PLIN2: variants seen among roughly 807,000 people sequenced by gnomAD.
PLIN2 encodes the protein perilipin-2.
In PLIN2, 33 loss-of-function variants were observed where a neutral mutation model predicts 30.6. The ratio of observed to expected loss-of-function variants is 1.08; its 90% CI spans 0.82 to 1.44. The LOEUF (loss-of-function observed/expected upper bound fraction) is 1.44, where lower values mean the gene tolerates loss of function less well. Ranked by LOEUF, PLIN2 falls within the 40% of genes most tolerant of loss-of-function variation. The pLI is 0.00. For missense variants in PLIN2, 610 were observed against 531.8 expected, an observed-to-expected ratio of 1.15 and a Z score of -1.45; for synonymous variants, 205 against 201.1, an observed-to-expected ratio of 1.02 and a Z score of -0.16.
At chr9:19,125,865 G>C (rs139888794) in intron 3 of PLIN2, 84 of 347,372 alleles carry the variant, frequency 2.4e-4, no homozygotes, top group African/African-American at 1.5e-3. Flanking sequence ...AGAGGTTGCA[G>C]TGAGCCAAGA....
rs762664565 is a variant in PLIN2 at position 19,119,735 on chromosome 9, G to C, written c.692C>G (p.Ala231Gly). Reference protein sequence around the residue: ...GSLSTKLHSRAYQQALSRVKE... With the variant: ...GSLSTKLHSRGYQQALSRVKE... ...AACCCTGCTGAGAGCCTGCTGGTAGGCACGGGAGTGAAGCTTGGTAGACAG... is the reference window on the plus strand; with the variant it reads ...AACCCTGCTGAGAGCCTGCTGGTAGCCACGGGAGTGAAGCTTGGTAGACAG... The change falls in exon 6 of 8, where the codon GCC becomes GGC. Residue 231 changes from alanine (A) to glycine (G), a missense_variant. Coordinates refer to ENST00000276914, the MANE Select transcript of PLIN2 (RefSeq NM_001122.4). The C allele has an allele frequency of 6.2e-7, 1 of 1,612,274 alleles. No individual in the cohort carries two copies. The highest frequency in any genetic ancestry group is 8.5e-7 in the Non-Finnish European group (1 of 1,178,520).
At chr9:19,123,427 T>C (rs759639288) in intron 4 of PLIN2, 138 bp downstream of exon 4, 11 of 1,554,136 alleles carry the variant, frequency 7.1e-6, no homozygotes, top group African/African-American at 1.4e-5. Context: ...GAAGTGGCCA[T>C]TATTTTTCAA....
In PLIN2 at chr9:19,126,309, T is replaced by C. The variant is rs142216441; in HGVS notation, c.31A>G (p.Ser11Gly). The change falls in exon 3 of 8, where the codon AGT becomes GGT. Residue 11 changes from serine (S) to glycine (G), a missense_variant and splice_region_variant. Transcript: ENST00000276914. MASVAVDPQP[S>G]VVTRVVNLPL... ...AGGTTGACCACCCGAGTCACCACAC[T>C]CTGCAATCAAAGTAGGGAGGGTATG... 21 of 1,613,716 alleles carry C rather than the reference T, an allele frequency of 1.3e-5. No homozygotes were observed. The African/African-American group carries it at 2.8e-4, about 22-fold the overall frequency.
At chr9:19,121,951 C>CA (rs1399675529) in intron 4 of PLIN2, among the ~76,000 whole-genome samples, 3 of 150,996 alleles carry the variant, frequency 2.0e-5, no homozygotes, top group East Asian at 1.9e-4. Flanking sequence ...CAAACAATGA[C>CA]AAAAAAAATT....
intron 3 of PLIN2, 192 bp downstream of exon 3, chr9:19,125,922 C>A (rs371451972): frequency 6.5e-4 from 266 of 408,174 alleles, no homozygotes; most frequent in African/African-American, 1.9e-3. Context: ...GACTCCATCT[C>A]AAAAAAAAAA....
At chr9:19,125,922 C>CG (rs1554694238) in intron 3 of PLIN2, 192 bp downstream of exon 3, 2 of 408,440 alleles carry the variant, frequency 4.9e-6, no homozygotes, top group Non-Finnish European at 8.6e-6. Flanking sequence ...GACTCCATCT[C>CG]AAAAAAAAAA....
chr9:19,115,843 T>C lies in PLIN2; in HGVS notation c.*405A>G, dbSNP rs1257448209. 6.3e-6 allele frequency: 1 copy of C among 159,548 alleles called. No homozygotes were observed. The highest frequency in any genetic ancestry group is 1.4e-5 in the Non-Finnish European group (1 of 72,802). The allele number at this position is 159,548 out of a possible 1,614,324, so 9.9% of individuals were successfully genotyped here. On this transcript the variant is annotated 3_prime_UTR_variant, in exon 8 of 8. Transcript: ENST00000276914. ...GAAATGAAAAACTAAAATCAAGTTT[T>C]ACAAGCAAGCATCATGAGATAAAGC...
downstream of PLIN2, among the ~76,000 whole-genome samples, chr9:19,111,287 G>A (rs765298657): frequency 1.3e-5 from 2 of 151,918 alleles, no homozygotes; most frequent in Non-Finnish European, 2.9e-5. Flanking sequence ...GGCCTCAAGT[G>A]ATCTGCCGAC....
downstream of PLIN2, among the ~76,000 whole-genome samples, chr9:19,113,210 G>A (rs1042452941): frequency 6.6e-6 from 1 of 152,048 alleles, no homozygotes. Context: ...AGGCATGGTG[G>A]TGCACGCCTA....
intron 4 of PLIN2, among the ~76,000 whole-genome samples, chr9:19,123,028 A>T (rs1199824158): frequency 1.3e-5 from 2 of 152,220 alleles, no homozygotes; most frequent in Non-Finnish European, 2.9e-5. Flanking sequence ...CTGTATTTAG[A>T]TTATGAAAAG....
chr9:19,126,687 C>A (rs879302669), intron 1 of PLIN2, among the ~76,000 whole-genome samples: 1 of 152,168 alleles, frequency 6.6e-6, no homozygotes, highest in Non-Finnish European at 1.5e-5. Context: ...TTGCAATACT[C>A]AGGAGGGAGA....
chr9:19,115,529 G>T (rs1021798182), downstream of PLIN2, among the ~76,000 whole-genome samples: 6 of 151,774 alleles, frequency 4.0e-5, no homozygotes, highest in Non-Finnish European at 8.8e-5. Flanking sequence ...GGATGGTCTC[G>T]ATCTCCTGAC....
chr9:19,108,966 TAGTC>T (rs1178995036), intron 2 of PLIN2, among the ~76,000 whole-genome samples: 1 of 152,230 alleles, frequency 6.6e-6, no homozygotes, highest in African/African-American at 2.4e-5. Flanking sequence ...TGGTGGAACC[TAGTC>T]AATGAAGCTT....
At position 19,117,546 on chromosome 9, in the gene PLIN2, C is replaced by A. The variant is rs535920770; in HGVS notation, c.912+775G>T. 2.0e-4 allele frequency among the ~76,000 whole-genome samples: 30 copies of A among 152,108 alleles called. No individual in the cohort carries two copies. The South Asian group carries it at 5.8e-3, about 29-fold the overall frequency. On this transcript the variant is annotated intron_variant, in intron 7 of 7. Coordinates refer to ENST00000276914, the MANE Select transcript of PLIN2 (RefSeq NM_001122.4). ...ACCCATTAGTTCTCAGCTTACCATT[C>A]ATCTCTTCCAGAAAGCAATGTGACT...
At chr9:19,112,705 CA>C (rs34857189), downstream of PLIN2, among the ~76,000 whole-genome samples, 13,468 of 68,532 alleles carry the variant, frequency 0.2, 561 homozygotes, top group African/African-American at 0.29. Context: ...GAGCCCATCT[CA>C]AAAAAAAAAA....
At position 19,116,150 on chromosome 9, in the gene PLIN2, A is replaced by C. The variant is rs1476752269; in HGVS notation, c.*98T>G. 5 of 1,205,820 alleles carry C rather than the reference A, an allele frequency of 4.1e-6. No individual in the cohort carries two copies. Among genetic ancestry groups the C allele is most frequent in the Non-Finnish European group, 4.6e-6 (4 of 867,018 alleles). 74.7% of individuals were successfully genotyped at this position (1,205,820 alleles called of 1,614,324 possible). ...ACAATTGAGGGCCTTTATACTAGCT[A>C]CTTGCTTCCCAATTTAGGGTTGCCT... On this transcript the variant is annotated 3_prime_UTR_variant, in exon 8 of 8. Transcript: ENST00000276914.
chr9:19,119,797 C>T lies in PLIN2; in HGVS notation c.630G>A (p.Leu210=). 1 of 1,574,710 alleles carries T rather than the reference C, an allele frequency of 6.4e-7. No homozygotes were observed. Among genetic ancestry groups the T allele is most frequent in the Middle Eastern group, 1.7e-4 (1 of 5,882 alleles). Residue 210 remains leucine (L), a synonymous_variant, in exon 6 of 8, where the codon CTG becomes CTA. Transcript: ENST00000276914. ...TAACATAATAACTTGGCTTCTGAAC[C>T]AGATCAAATCCTTCAACTTTTTTTG... ...KEAKKVEGFD[L]VQKPSYYVRL... is the part of the protein sequence containing the mutation.
At chr9:19,124,071 T>C (rs1818361128) in intron 3 of PLIN2, among the ~76,000 whole-genome samples, 2 of 149,800 alleles carry the variant, frequency 1.3e-5, no homozygotes, top group Non-Finnish European at 3.0e-5. Context: ...AGGCATTGCC[T>C]GGTTTATCTA....
downstream of PLIN2, among the ~76,000 whole-genome samples, chr9:19,113,133 A>G (rs1818178852): frequency 6.6e-6 from 1 of 152,154 alleles, no homozygotes; most frequent in Non-Finnish European, 1.5e-5. Context: ...ACTTGAGGTC[A>G]GGAGTTCGAG....
Sources: gnomAD v4.1 joint callset for allele counts (sites outside exome capture counted in the v4.1 genomes callset) on GRCh38, gnomAD v4.1.1 for gene constraint, MANE v1.5 for transcripts, NCBI Gene and HGNC (gene_info 2026-07-23, HGNC 2026-07-21) for gene names.